TTLL6: variants seen among roughly 807,000 people sequenced by gnomAD.
TTLL6 encodes the protein tubulin tyrosine ligase like 6, also known as tubulin polyglutamylase TTLL6.
Under a neutral mutation model 96.4 loss-of-function variants are expected in TTLL6, and 75 were observed. That is an observed-to-expected ratio of 0.78 (90% CI 0.65 to 0.94). The LOEUF (loss-of-function observed/expected upper bound fraction) is 0.94, where lower values mean the gene tolerates loss of function less well. TTLL6 is among the 40% of genes least tolerant of loss of function. TTLL6 has a pLI of 0.00. For missense variants in TTLL6, 1,030 were observed against 1,093.0 expected, an observed-to-expected ratio of 0.94 and a Z score of 0.81; for synonymous variants, 411 against 419.4, an observed-to-expected ratio of 0.98 and a Z score of 0.24.
intron 13 of TTLL6, among the ~76,000 whole-genome samples, chr17:48,776,415 C>T (rs563470051): frequency 1.3e-5 from 2 of 152,124 alleles, no homozygotes; most frequent in Non-Finnish European, 2.9e-5. Context: ...GAGCCGAGAT[C>T]GTGCCACTGC....
intron 1 of TTLL6, among the ~76,000 whole-genome samples, chr17:48,813,342 G>A (rs1598008673): frequency 6.6e-6 from 1 of 151,806 alleles, no homozygotes; most frequent in South Asian, 2.1e-4. Flanking sequence ...GAGCACTTGA[G>A]CCAGGGGTTT....
At chr17:48,786,423 C>T (rs1456165313) in intron 11 of TTLL6, 88 bp from the exon 12 acceptor site, 18 of 1,532,020 alleles carry the variant, frequency 1.2e-5, no homozygotes, top group South Asian at 3.5e-5. Context: ...CATGACTGGG[C>T]GAAAAGTTAG....
At chr17:48,787,090 A>G (rs1441857626) in intron 11 of TTLL6, among the ~76,000 whole-genome samples, 2 of 151,880 alleles carry the variant, frequency 1.3e-5, no homozygotes, top group Non-Finnish European at 2.9e-5. Flanking sequence ...CGGCCTCCCA[A>G]AGTGCTGGGA....
intron 13 of TTLL6, among the ~76,000 whole-genome samples, chr17:48,774,101 A>C (rs570225370): frequency 0.01 from 1,364 of 132,020 alleles, 11 homozygotes; most frequent in Non-Finnish European, 0.015. Context: ...CAAAACAAAA[A>C]AAAAAAAAAA....
At chr17:48,796,525 AAG>A (rs2039319238) in intron 7 of TTLL6, among the ~76,000 whole-genome samples, 1 of 152,042 alleles carries the variant, frequency 6.6e-6, no homozygotes, top group South Asian at 2.1e-4. Context: ...AGGCTAAGGT[AAG>A]AGACTCGCTT....
At chr17:48,787,031 A>G (rs1226589293) in intron 11 of TTLL6, among the ~76,000 whole-genome samples, 2 of 151,982 alleles carry the variant, frequency 1.3e-5, no homozygotes, top group Non-Finnish European at 2.9e-5. Flanking sequence ...GGGTTTCACC[A>G]TCTTGGCCAG....
Position 48,785,072 on chromosome 17 carries a change from G to A in TTLL6, c.1891C>T (p.Pro631Ser), listed in dbSNP as rs1317768801. Residue 631 changes from proline to serine, a missense_variant, in exon 13 of 16, where the codon CCC becomes TCC. Coordinates refer to ENST00000393382, the MANE Select transcript of TTLL6 (RefSeq NM_001130918.3). ...AAGGGCTTCGCAGACGTCAGCTTGG[G>A]GAAAACAGAGCTGGCCTCCTCCGTG... ...APTEEASSVF[P>S]KLTSAKPFSS... 2.5e-6 allele frequency: 4 copies of A among 1,614,116 alleles called. No individual in the cohort carries two copies. Among genetic ancestry groups the A allele is most frequent in the South Asian group, 2.2e-5 (2 of 91,078 alleles).
At chr17:48,804,729 T>C in intron 2 of TTLL6, 43 bp downstream of exon 2, 1 of 1,522,020 alleles carries the variant, frequency 6.6e-7, no homozygotes, top group Non-Finnish European at 8.9e-7. Context: ...TCCTTCCTGT[T>C]ATTACCAACA....
chr17:48,769,932 T>C lies in TTLL6; in HGVS notation c.2206A>G (p.Thr736Ala). ...CKKQQTPPHLTQKKMLKSFLP... is the reference protein window; with the variant it reads ...CKKQQTPPHLAQKKMLKSFLP... The stretch of plus-strand genomic sequence containing the variant: ...AAAGATTTTAACATTTTCTTCTGGG[T>C]TAAGTGTGGAGGGGTCTGCTGCTTC... Residue 736 changes from threonine to alanine, a missense_variant, in exon 14 of 16, where the codon ACC becomes GCC. By Grantham distance (58) the Thr-to-Ala change is moderately conservative (BLOSUM62 0). Coordinates refer to ENST00000393382, the MANE Select transcript of TTLL6 (RefSeq NM_001130918.3). The C allele has an allele frequency of 6.2e-7, 1 of 1,614,078 alleles. No homozygotes were observed. The highest frequency in any genetic ancestry group is 1.3e-5 in the African/African-American group (1 of 74,996).
chr17:48,779,353 CAAAAAAAAAAAA>C (rs35763170), intron 13 of TTLL6, among the ~76,000 whole-genome samples: 3 of 46,260 alleles, frequency 6.5e-5, no homozygotes, highest in African/African-American at 9.2e-5. Flanking sequence ...GACTCTGTCT[CAAAAAAAAAAAA>C]AAAAAAAAAA....
At chr17:48,784,821 G>T in intron 13 of TTLL6, 102 bp downstream of exon 13, 2 of 931,772 alleles carry the variant, frequency 2.1e-6, no homozygotes, top group Non-Finnish European at 3.3e-6. Context: ...GCCCAGGGAG[G>T]CTCAGTGGCT....
chr17:48,811,068 C>CT (rs35618180), intron 1 of TTLL6, among the ~76,000 whole-genome samples: 2,729 of 110,512 alleles, frequency 0.025, 59 homozygotes, highest in South Asian at 0.037. Context: ...TATTATTTTT[C>CT]TTTTTTTTTT....
intron 13 of TTLL6, among the ~76,000 whole-genome samples, chr17:48,774,099 A>AG (rs755138293): frequency 7.9e-6 from 1 of 125,884 alleles, no homozygotes; most frequent in African/African-American, 3.1e-5. Context: ...AACAAAACAA[A>AG]AAAAAAAAAA....
At chr17:48,773,348 G>A (rs1443453082) in intron 13 of TTLL6, among the ~76,000 whole-genome samples, 1 of 152,130 alleles carries the variant, frequency 6.6e-6, no homozygotes, top group African/African-American at 2.4e-5. Flanking sequence ...ACAAGATCAA[G>A]AACCCTAAGT....
chr17:48,816,282 C>T (rs60416307), intron 1 of TTLL6, among the ~76,000 whole-genome samples: 4,595 of 151,784 alleles, frequency 0.03, 90 homozygotes, highest in South Asian at 0.12. Context: ...CCACCCCCAC[C>T]TCCATCTCTT....
chr17:48,795,730 A>T (rs1005979272), intron 8 of TTLL6, among the ~76,000 whole-genome samples: 58 of 152,290 alleles, frequency 3.8e-4, no homozygotes, highest in African/African-American at 1.3e-3. Flanking sequence ...GCGATCAATA[A>T]ATATCTGTTG....
intron 13 of TTLL6, among the ~76,000 whole-genome samples, chr17:48,780,678 C>A (rs2038968654): frequency 6.6e-6 from 1 of 152,182 alleles, no homozygotes; most frequent in Non-Finnish European, 1.5e-5. Context: ...TCCCTGGCAA[C>A]CATGATTCCA....
Position 48,817,090 on chromosome 17 carries a change from C to T in TTLL6, c.-18G>A. The stretch of plus-strand genomic sequence containing the variant: ...GCTCCCATTGGCTGCCAGACAGCCC[C>T]AACCCCAACCCGCGCTCGCCCTAAC... On this transcript the variant is annotated 5_prime_UTR_variant, in exon 1 of 16. Coordinates refer to ENST00000393382, the MANE Select transcript of TTLL6 (RefSeq NM_001130918.3). 6.6e-7 allele frequency: 1 copy of T among 1,526,282 alleles called. No homozygotes were observed. Among genetic ancestry groups the T allele is most frequent in the East Asian group, 2.5e-5 (1 of 39,530 alleles). 94.5% of individuals were successfully genotyped at this position (1,526,282 alleles called of 1,614,324 possible).
At chr17:48,772,599 C>T (rs911636348) in intron 13 of TTLL6, among the ~76,000 whole-genome samples, 1 of 151,846 alleles carries the variant, frequency 6.6e-6, no homozygotes, top group Non-Finnish European at 1.5e-5. Flanking sequence ...GGTGTGGTGG[C>T]ACGCGCCTGT....
Sources: gnomAD v4.1 joint callset for allele counts (sites outside exome capture counted in the v4.1 genomes callset) on GRCh38, gnomAD v4.1.1 for gene constraint, MANE v1.5 for transcripts, NCBI Gene and HGNC (gene_info 2026-07-23, HGNC 2026-07-21) for gene names.